The following TGFB2 variants were observed in gnomAD, a reference collection of about 807,000 sequenced individuals.
TGFB2 encodes the protein transforming growth factor beta-2 proprotein.
TGFB2 carries 13 observed loss-of-function variants against 42.7 expected under a neutral mutation model. The ratio of observed to expected loss-of-function variants is 0.30; its 90% CI spans 0.20 to 0.48. The LOEUF (loss-of-function observed/expected upper bound fraction) is 0.48. Among genes scored for constraint, TGFB2 ranks in the 20% least tolerant of loss-of-function variants. The probability of loss-of-function intolerance (pLI) is 0.99; values close to 1 mark genes in which losing one functional copy is unlikely to be tolerated. For synonymous variants in TGFB2, 193 were observed against 193.6 expected, an observed-to-expected ratio of 1.00 and a Z score of 0.03; for missense variants, 390 against 517.5, an observed-to-expected ratio of 0.75 and a Z score of 2.39.
At chr1:218,406,476 C>A (rs962407315) in intron 2 of TGFB2, among the ~76,000 whole-genome samples, 5 of 152,178 alleles carry the variant, frequency 3.3e-5, no homozygotes, top group African/African-American at 1.2e-4. Flanking sequence ...CCCATTTTAA[C>A]AAGATCCGCA....
At chr1:218,378,385 C>A (rs56950529) in intron 1 of TGFB2, among the ~76,000 whole-genome samples, 2,196 of 152,292 alleles carry the variant, frequency 0.014, 65 homozygotes, top group African/African-American at 0.05. Context: ...CCATGTTGGC[C>A]AGGCTGGTTT....
chr1:218,354,119 A>G (rs1323629161), intron 1 of TGFB2, among the ~76,000 whole-genome samples: 2 of 152,202 alleles, frequency 1.3e-5, no homozygotes, highest in East Asian at 3.9e-4. Context: ...ACAGAAATCA[A>G]GTCTAACTTA....
chr1:218,425,850 A>G (rs142289429), intron 2 of TGFB2, among the ~76,000 whole-genome samples: 6 of 152,226 alleles, frequency 3.9e-5, no homozygotes, highest in Admixed American at 1.3e-4. Context: ...TGCCAATGCC[A>G]GTATTTCATA....
At chr1:218,387,039 T>G (rs1260669824) in intron 1 of TGFB2, among the ~76,000 whole-genome samples, 1 of 152,198 alleles carries the variant, frequency 6.6e-6, no homozygotes, top group Non-Finnish European at 1.5e-5. Flanking sequence ...GAGAAATTCA[T>G]TGTGCTCTGG....
chr1:218,419,837 A>G (rs891549444), intron 2 of TGFB2, among the ~76,000 whole-genome samples: 8 of 152,244 alleles, frequency 5.3e-5, no homozygotes, highest in African/African-American at 1.9e-4. Flanking sequence ...ATAACCATGT[A>G]GGTAAAAAAA....
chr1:218,436,913 G>T (rs985619469), intron 5 of TGFB2, among the ~76,000 whole-genome samples: 1 of 152,180 alleles, frequency 6.6e-6, no homozygotes, highest in African/African-American at 2.4e-5. Context: ...AAAGGAAAAC[G>T]CCTTAGATGG....
chr1:218,355,005 C>G (rs1393505108), intron 1 of TGFB2, among the ~76,000 whole-genome samples: 4 of 152,154 alleles, frequency 2.6e-5, no homozygotes, highest in Non-Finnish European at 2.9e-5. Context: ...CGGGTCCAAG[C>G]AATTCTCCTG....
At chr1:218,397,600 T>C (rs924699171) in intron 1 of TGFB2, among the ~76,000 whole-genome samples, 10 of 151,956 alleles carry the variant, frequency 6.6e-5, no homozygotes, top group Non-Finnish European at 1.5e-4. Flanking sequence ...TGCTCCTTTG[T>C]CTTTCTGTAT....
intron 1 of TGFB2, among the ~76,000 whole-genome samples, chr1:218,359,856 A>G (rs1657154939): frequency 6.6e-6 from 1 of 152,230 alleles, no homozygotes; most frequent in Admixed American, 6.5e-5. Flanking sequence ...ATTTTACTTA[A>G]GATATCATTG....
intron 2 of TGFB2, among the ~76,000 whole-genome samples, chr1:218,431,159 C>A (rs532180398): frequency 6.6e-6 from 1 of 152,250 alleles, no homozygotes; most frequent in African/African-American, 2.4e-5. Context: ...TATATGTGGC[C>A]TGTTCATGAG....
At chr1:218,384,404 TATA>T (rs1347008350) in intron 1 of TGFB2, among the ~76,000 whole-genome samples, 1 of 152,266 alleles carries the variant, frequency 6.6e-6, no homozygotes, top group Non-Finnish European at 1.5e-5. Context: ...ACAGATTATG[TATA>T]ATAAGAGGCT....
intron 1 of TGFB2, among the ~76,000 whole-genome samples, chr1:218,360,017 C>T (rs895982664): frequency 1.3e-5 from 2 of 152,148 alleles, no homozygotes; most frequent in African/African-American, 4.8e-5. Context: ...TGTAAAAGGC[C>T]TTGCTAACCT....
chr1:218,347,140 G>C (rs2102528045), intron 1 of TGFB2, 93 bp downstream of exon 1: 2 of 1,235,966 alleles, frequency 1.6e-6, no homozygotes, highest in African/African-American at 1.5e-5. Context: ...CTTCCCTCTC[G>C]CGGTTCCCGT....
At position 218,358,188 on chromosome 1, in the gene TGFB2, A is replaced by C. The variant is rs560726233; in HGVS notation, c.346+11141A>C. Among the ~76,000 whole-genome samples, 3 of 152,342 alleles carry C rather than the reference A, an allele frequency of 2.0e-5. No homozygotes were observed. The South Asian group carries it at 6.2e-4, about 32-fold the overall frequency. On this transcript the variant is annotated intron_variant, in intron 1 of 6. Transcript: ENST00000366930. The stretch of plus-strand genomic sequence containing the variant: ...GACCGCAAGTCCACTGGTCTTTGCA[A>C]ATCTCTCCATCTGAAAAAGATGACT...
intron 2 of TGFB2, among the ~76,000 whole-genome samples, chr1:218,409,436 T>C (rs17047804): frequency 0.18 from 27,478 of 152,084 alleles, 3,074 homozygotes; most frequent in East Asian, 0.52. Flanking sequence ...TTATTTGGAG[T>C]CCTATTTTTA....
At position 218,403,550 on chromosome 1, in the gene TGFB2, A is replaced by G. The variant is rs567960513; in HGVS notation, c.347-1619A>G. On this transcript the variant is annotated intron_variant, in intron 1 of 6. Transcript: ENST00000366930. ...CGGCAAGATGGCTCATTTATTTAAT[A>G]AGAAGTTAGTGTTGCCAACAGTCAG... 2.6e-5 allele frequency among the ~76,000 whole-genome samples: 4 copies of G among 152,340 alleles called. No individual in the cohort carries two copies. In the South Asian group the frequency reaches 8.3e-4, roughly 32 times the overall value.
At chr1:218,379,487 C>CTTTCTTT (rs375611057) in intron 1 of TGFB2, among the ~76,000 whole-genome samples, 60 of 133,408 alleles carry the variant, frequency 4.5e-4, no homozygotes, top group South Asian at 1.7e-3. Flanking sequence ...TTCTTTCTTT[C>CTTTCTTT]TTTTTTTTTT....
intron 1 of TGFB2, among the ~76,000 whole-genome samples, chr1:218,350,583 T>G (rs1656839203): frequency 6.6e-6 from 1 of 152,218 alleles, no homozygotes; most frequent in Admixed American, 6.5e-5. Flanking sequence ...ATAAAATATC[T>G]TTATGATCAA....
chr1:218,393,886 T>C (rs1441427428), intron 1 of TGFB2, among the ~76,000 whole-genome samples: 3 of 149,980 alleles, frequency 2.0e-5, no homozygotes, highest in African/African-American at 4.9e-5. Flanking sequence ...GCTCTGAGAC[T>C]CCTCTACGTT....
Sources: allele counts gnomAD v4.1 joint callset (sites outside exome capture counted in the v4.1 genomes callset), GRCh38; gene constraint gnomAD v4.1.1; transcripts MANE v1.5; gene names NCBI Gene and HGNC (gene_info 2026-07-23, HGNC 2026-07-21).